Variants in MYO16 observed in about 807,000 individuals in gnomAD.
MYO16 encodes the protein unconventional myosin-XVI.
MYO16 carries 94 observed loss-of-function variants against 205.3 expected under a neutral mutation model. The ratio of observed to expected loss-of-function variants is 0.46; its 90% CI spans 0.39 to 0.54. The LOEUF is 0.54. MYO16 is among the 20% of genes least tolerant of loss of function. The pLI is 0.00. For synonymous variants in MYO16, 988 were observed against 954.0 expected (o/e 1.04, Z -0.66); for missense variants, 2,315 against 2,387.5 (o/e 0.97, Z 0.63).
intron 2 of MYO16, among the ~76,000 whole-genome samples, chr13:108,690,256 CCTTTT>C (rs755245785): frequency 2.3e-4 from 29 of 127,234 alleles, no homozygotes; most frequent in Admixed American, 7.7e-4. Context: ...TCTTTTCTCA[CCTTTT>C]CTTTCTTTTC....
At chr13:108,749,546 G>A (rs1344979707) in intron 4 of MYO16, among the ~76,000 whole-genome samples, 1 of 152,162 alleles carries the variant, frequency 6.6e-6, no homozygotes, top group Non-Finnish European at 1.5e-5. Context: ...TTAGACAGTT[G>A]TAAATTAAAA....
chr13:109,039,319 G>A (rs1173547378), intron 23 of MYO16, among the ~76,000 whole-genome samples: 1 of 152,136 alleles, frequency 6.6e-6, no homozygotes, highest in Non-Finnish European at 1.5e-5. Flanking sequence ...AAGGGTGCAG[G>A]AGAACTGAAC....
chr13:108,562,293 A>G, the MYO16 span, among the ~76,000 whole-genome samples: 2 of 152,056 alleles, frequency 1.3e-5, no homozygotes, highest in Non-Finnish European at 2.9e-5. Flanking sequence ...TTCATGACTT[A>G]ATCACTTCCC....
At chr13:109,097,013 C>G (rs747513977) in intron 27 of MYO16, among the ~76,000 whole-genome samples, 1 of 152,156 alleles carries the variant, frequency 6.6e-6, no homozygotes, top group Admixed American at 6.5e-5. Context: ...ATTATCAAAC[C>G]TAACCCATGT....
chr13:109,022,176 TTTATATA>T lies in MYO16; in HGVS notation c.2796+2275_2796+2281del, dbSNP rs946094797. Among the ~76,000 whole-genome samples the T allele has an allele frequency of 2.8e-4, 39 of 137,434 alleles. No individual in the cohort carries two copies. In the Middle Eastern group the frequency reaches 0.015, roughly 52 times the overall value. 90.2% of individuals were successfully genotyped at this position (137,434 alleles called of 152,430 possible). ...ACAAATTTATATATACAAATATATATTTATATATTATATATTTATAATGTATTTATAA... is the reference window on the plus strand; with the variant it reads ...ACAAATTTATATATACAAATATATATTTATATATTTATAATGTATTTATAA... On this transcript the variant is annotated intron_variant, in intron 23 of 34. Transcript: ENST00000457511.
chr13:108,945,456 G>A (rs1468212370), intron 16 of MYO16, among the ~76,000 whole-genome samples: 1 of 152,094 alleles, frequency 6.6e-6, no homozygotes, highest in Admixed American at 6.6e-5. Flanking sequence ...CACAACAATG[G>A]TTCTGAAACA....
chr13:108,920,792 G>T (rs370351133), intron 16 of MYO16, among the ~76,000 whole-genome samples: 3 of 152,160 alleles, frequency 2.0e-5, no homozygotes, highest in Non-Finnish European at 4.4e-5. Flanking sequence ...TGTTTATTCC[G>T]TATAAATAAG....
At chr13:109,073,064 T>G (rs1230867052) in intron 27 of MYO16, among the ~76,000 whole-genome samples, 2 of 152,196 alleles carry the variant, frequency 1.3e-5, no homozygotes, top group East Asian at 3.8e-4. Flanking sequence ...TGATTTATGT[T>G]AATTATTGTT....
chr13:108,622,446 A>G (rs1879579589), intron 1 of MYO16, among the ~76,000 whole-genome samples: 1 of 152,158 alleles, frequency 6.6e-6, no homozygotes, highest in South Asian at 2.1e-4. Context: ...AATAGAAGTA[A>G]GGAGGGACAA....
chr13:108,798,792 G>A (rs1185359615), intron 6 of MYO16, among the ~76,000 whole-genome samples: 3 of 127,588 alleles, frequency 2.4e-5, no homozygotes, highest in African/African-American at 3.0e-5. Flanking sequence ...TGCAAGCTCC[G>A]CCTCCCGGGT....
At chr13:108,638,501 C>A (rs1256469971) in intron 1 of MYO16, among the ~76,000 whole-genome samples, 1 of 152,128 alleles carries the variant, frequency 6.6e-6, no homozygotes, top group Non-Finnish European at 1.5e-5. Flanking sequence ...ATCAAACTCT[C>A]TTTTTGGTTC....
upstream of MYO16, among the ~76,000 whole-genome samples, chr13:108,595,962 C>T (rs1566496754): frequency 1.4e-5 from 2 of 144,466 alleles, no homozygotes; most frequent in Non-Finnish European, 3.0e-5. Flanking sequence ...GCTCTCCAGT[C>T]ATAAAAGGAC....
chr13:109,151,985 G>T (rs1877698209), intron 32 of MYO16, among the ~76,000 whole-genome samples: 1 of 152,184 alleles, frequency 6.6e-6, no homozygotes, highest in Admixed American at 6.5e-5. Flanking sequence ...GGACATACAG[G>T]AGTGCAAACA....
chr13:108,922,118 G>T (rs1170506910), intron 16 of MYO16, among the ~76,000 whole-genome samples: 2 of 152,234 alleles, frequency 1.3e-5, no homozygotes, highest in Non-Finnish European at 2.9e-5. Context: ...ACCCTCTCTT[G>T]TTGGACATCA....
Position 109,140,628 on chromosome 13 carries a change from C to G in MYO16, c.4416C>G (p.Phe1472Leu), listed in dbSNP as rs753526752. Residue 1472 changes from phenylalanine to leucine, a missense_variant, in exon 32 of 35, where the codon TTC (phenylalanine) becomes TTG (leucine). Coordinates refer to ENST00000457511, the MANE Select transcript of MYO16 (RefSeq NM_001198950.3). The surrounding 1 kb of genome is among the most constrained non-coding windows in gnomAD (Gnocchi z 8.0). ...ACGGCGGCCCGGGCGCGGGCTCCTTCCTGCTCCACGGCGCATCGCCGCCCC... is the reference window on the plus strand; with the variant it reads ...ACGGCGGCCCGGGCGCGGGCTCCTTGCTGCTCCACGGCGCATCGCCGCCCC... The part of the protein sequence containing the change: ...PDDGGPGAGS[F>L]LLHGASPPLL... 60 of 1,518,220 alleles carry G rather than the reference C, an allele frequency of 4.0e-5. 2 individuals are homozygous for G. In the South Asian group the frequency reaches 7.2e-4, roughly 18 times the overall value. The allele number at this position is 1,518,220 out of a possible 1,614,324, so 94.0% of individuals were successfully genotyped here. A position where few individuals can be genotyped will look rare whatever the true frequency, so the allele number is the denominator to read the frequency against.
rs1442854779 is a variant in MYO16 at position 109,107,734 on chromosome 13, G to A, written c.3438+6847G>A. Among the ~76,000 whole-genome samples the A allele has an allele frequency of 4.0e-5, 6 of 150,954 alleles. No homozygotes were observed. In the East Asian group the frequency reaches 9.7e-4, roughly 24 times the overall value. On this transcript the variant is annotated intron_variant, in intron 28 of 34. Transcript: ENST00000457511. ...CTCCTTCTCTGGAATTATAAATGTTGAAAATAATAAGCATTAGGAACCTAA... is the reference window on the plus strand; with the variant it reads ...CTCCTTCTCTGGAATTATAAATGTTAAAAATAATAAGCATTAGGAACCTAA...
At chr13:108,612,020 G>T (rs1879195473) in intron 1 of MYO16, among the ~76,000 whole-genome samples, 1 of 137,534 alleles carries the variant, frequency 7.3e-6, no homozygotes, top group Non-Finnish European at 1.5e-5. Flanking sequence ...CTGTCGCCCA[G>T]GCTGGAAGGC....
chr13:108,564,990 A>G, the MYO16 span, among the ~76,000 whole-genome samples: 1 of 152,042 alleles, frequency 6.6e-6, no homozygotes, highest in Admixed American at 6.6e-5. Context: ...TGCATTCTCT[A>G]TGCTCTTCCA....
intron 22 of MYO16, among the ~76,000 whole-genome samples, chr13:109,012,844 C>A (rs1885649272): frequency 6.6e-6 from 1 of 151,160 alleles, no homozygotes; most frequent in African/African-American, 2.4e-5. Flanking sequence ...AACTGTCAGA[C>A]TTCTAATTTA....
Sources: allele counts gnomAD v4.1 joint callset (sites outside exome capture counted in the v4.1 genomes callset), GRCh38; gene constraint gnomAD v4.1.1; non-coding constraint Gnocchi (gnomAD v3.1); transcripts MANE v1.5; gene names NCBI Gene and HGNC (gene_info 2026-07-23, HGNC 2026-07-21).